VKORC1L1: variants seen among roughly 807,000 people sequenced by gnomAD.
VKORC1L1 encodes vitamin K epoxide reductase complex subunit 1L1.
Under a neutral mutation model 18.9 loss-of-function variants are expected in VKORC1L1, and 2 were observed. The ratio of observed to expected loss-of-function variants is 0.11; its 90% confidence interval spans 0.04 to 0.33. VKORC1L1 has a LOEUF of 0.33. Among genes scored for constraint, VKORC1L1 ranks in the 10% least tolerant of loss-of-function variants. The probability of loss-of-function intolerance (pLI) is 1.00; values close to 1 mark genes in which losing one functional copy is unlikely to be tolerated. For synonymous variants in VKORC1L1, 96 were observed against 100.0 expected (o/e 0.96, Z 0.24); for missense variants, 123 against 224.1 (o/e 0.55, Z 2.88).
At chr7:65,871,417 A>ACTCCTGACCTCAGGTGCTCTACCCAC (rs1166202473), upstream of VKORC1L1, among the ~76,000 whole-genome samples, 41 of 151,598 alleles carry the variant, frequency 2.7e-4, no homozygotes, top group Non-Finnish European at 5.6e-4. Flanking sequence ...CTGGTCTCGA[A>ACTCCTGACCTCAGGTGCTCTACCCAC]CTCCTGACCT....
upstream of VKORC1L1, among the ~76,000 whole-genome samples, chr7:65,872,927 C>T (rs1001868666): frequency 7.0e-4 from 106 of 151,660 alleles, no homozygotes; most frequent in African/African-American, 2.4e-3. Flanking sequence ...AAGTCCCTCC[C>T]GCACTGGCCC....
intron 1 of VKORC1L1, among the ~76,000 whole-genome samples, chr7:65,902,463 A>C (rs752582739): frequency 2.0e-5 from 3 of 152,200 alleles, no homozygotes; most frequent in Non-Finnish European, 4.4e-5. Flanking sequence ...CAGAAAGAAA[A>C]ATGGAAACAT....
intron 1 of VKORC1L1, among the ~76,000 whole-genome samples, chr7:65,889,485 A>T (rs1329025263): frequency 1.3e-5 from 2 of 152,166 alleles, no homozygotes; most frequent in Non-Finnish European, 2.9e-5. Flanking sequence ...AAATTCAATC[A>T]ATCACCAGGC....
chr7:65,868,281 C>T (rs1173290403), upstream of VKORC1L1, among the ~76,000 whole-genome samples: 2 of 151,944 alleles, frequency 1.3e-5, no homozygotes, highest in Non-Finnish European at 2.9e-5. Context: ...ATAATGAGAC[C>T]CCCATCTCTA....
intron 1 of VKORC1L1, among the ~76,000 whole-genome samples, chr7:65,893,628 T>C (rs1369891808): frequency 6.6e-6 from 1 of 152,226 alleles, no homozygotes; most frequent in East Asian, 1.9e-4. Flanking sequence ...CACTCCAGCC[T>C]GGGTGACAGA....
At chr7:65,929,394 A>G (rs1296969587) in intron 1 of VKORC1L1, among the ~76,000 whole-genome samples, 1 of 152,128 alleles carries the variant, frequency 6.6e-6, no homozygotes, top group Non-Finnish European at 1.5e-5. Flanking sequence ...CCTGGGTGAC[A>G]GGGAGACTCT....
chr7:65,886,839 GTTTTTTTT>G (rs56234924), intron 1 of VKORC1L1, among the ~76,000 whole-genome samples: 4 of 58,626 alleles, frequency 6.8e-5, no homozygotes, highest in African/African-American at 2.3e-4. Context: ...GCCTGTCCGA[GTTTTTTTT>G]TTTTTTTTTT....
At chr7:65,916,795 T>C (rs537796128) in intron 1 of VKORC1L1, among the ~76,000 whole-genome samples, 1 of 152,060 alleles carries the variant, frequency 6.6e-6, no homozygotes, top group East Asian at 1.9e-4. Context: ...ACGGGGTTTC[T>C]CCATGTTGGT....
At chr7:65,878,460 A>G (rs1158109917) in intron 1 of VKORC1L1, among the ~76,000 whole-genome samples, 2 of 152,074 alleles carry the variant, frequency 1.3e-5, no homozygotes, top group African/African-American at 4.8e-5. Flanking sequence ...AAAAAAAAAA[A>G]AGAACCTAGA....
intron 2 of VKORC1L1, among the ~76,000 whole-genome samples, chr7:65,952,931 G>A (rs1003095259): frequency 4.0e-5 from 6 of 151,608 alleles, no homozygotes; most frequent in Non-Finnish European, 5.9e-5. Flanking sequence ...GGTTGCAAGC[G>A]TGCAATACCA....
intron 1 of VKORC1L1, among the ~76,000 whole-genome samples, chr7:65,889,087 ATTT>A (rs57828998): frequency 7.2e-6 from 1 of 138,412 alleles, no homozygotes; most frequent in Non-Finnish European, 1.6e-5. Flanking sequence ...ACCACTCTCA[ATTT>A]TTTTTTTTTT....
intron 1 of VKORC1L1, among the ~76,000 whole-genome samples, chr7:65,874,232 A>G (rs1333581346): frequency 1.3e-5 from 2 of 152,008 alleles, no homozygotes; most frequent in African/African-American, 4.8e-5. Context: ...GATTTCTTGG[A>G]TTCCCTCTCG....
At chr7:65,913,574 A>C (rs981504588) in intron 1 of VKORC1L1, among the ~76,000 whole-genome samples, 13 of 151,750 alleles carry the variant, frequency 8.6e-5, no homozygotes, top group African/African-American at 2.2e-4. Flanking sequence ...AAAAATACAA[A>C]AATTAGCCGG....
At chr7:65,870,471 G>A (rs1788713247), upstream of VKORC1L1, among the ~76,000 whole-genome samples, 1 of 152,002 alleles carries the variant, frequency 6.6e-6, no homozygotes, top group Non-Finnish European at 1.5e-5. Context: ...GGGCTTATGA[G>A]GCATCAAAGG....
At chr7:65,942,378 G>A (rs1790049992) in intron 1 of VKORC1L1, among the ~76,000 whole-genome samples, 1 of 150,626 alleles carries the variant, frequency 6.6e-6, no homozygotes, top group South Asian at 2.1e-4. Flanking sequence ...TATAGTCCCA[G>A]CTACTTGGGA....
intron 1 of VKORC1L1, among the ~76,000 whole-genome samples, chr7:65,939,022 G>A (rs963295377): frequency 6.6e-6 from 1 of 152,196 alleles, no homozygotes; most frequent in African/African-American, 2.4e-5. Context: ...CTCAAAGACT[G>A]GGTGCCCATG....
chr7:65,884,645 AAAT>A (rs1294155937), intron 1 of VKORC1L1, among the ~76,000 whole-genome samples: 3 of 152,152 alleles, frequency 2.0e-5, no homozygotes, highest in Non-Finnish European at 4.4e-5. Context: ...AAAAAAAAGA[AAAT>A]ATTACCACTA....
chr7:65,877,878 A>G (rs1252493852), intron 1 of VKORC1L1, among the ~76,000 whole-genome samples: 9 of 152,222 alleles, frequency 5.9e-5, no homozygotes, highest in East Asian at 3.9e-4. Flanking sequence ...GGCATACTCA[A>G]GTCCCCACTG....
chr7:65,906,869 A>G (rs1278016081), intron 1 of VKORC1L1, among the ~76,000 whole-genome samples: 1 of 152,138 alleles, frequency 6.6e-6, no homozygotes, highest in East Asian at 1.9e-4. Context: ...ATAACCTGGG[A>G]TGGGTAAAAA....
Sources: gnomAD v4.1 joint callset for allele counts (sites outside exome capture counted in the v4.1 genomes callset) on GRCh38, gnomAD v4.1.1 for gene constraint, MANE v1.5 for transcripts, NCBI Gene and HGNC (gene_info 2026-07-23, HGNC 2026-07-21) for gene names.